The following IRGM variants were observed in gnomAD, a reference collection of about 807,000 sequenced individuals.
The protein encoded by IRGM is immunity-related GTPase family M protein.
For synonymous variants in IRGM, 98 were observed against 80.6 expected (o/e 1.22, Z -1.16); for missense variants, 288 against 219.9 (o/e 1.31, Z -1.96).
chr5:150,883,865 G>C (rs1754479551), intron 3 of IRGM, among the ~76,000 whole-genome samples: 1 of 151,930 alleles, frequency 6.6e-6, no homozygotes, highest in South Asian at 2.1e-4. Context: ...TAAAGAAGAA[G>C]GAACACTTCC....
chr5:150,872,169 G>C (rs999673236), intron 1 of IRGM, among the ~76,000 whole-genome samples: 11 of 152,184 alleles, frequency 7.2e-5, no homozygotes, highest in Non-Finnish European at 1.5e-5. Flanking sequence ...GGAATAAAAA[G>C]GTTTTTGTGA....
At chr5:150,862,482 A>T (rs1754150341) in intron 1 of IRGM, among the ~76,000 whole-genome samples, 1 of 152,208 alleles carries the variant, frequency 6.6e-6, no homozygotes. Context: ...TGTTTACATC[A>T]TACATTTCAG....
chr5:150,891,190 TA>T (rs1256637409), intron 3 of IRGM, among the ~76,000 whole-genome samples: 1 of 151,856 alleles, frequency 6.6e-6, no homozygotes, highest in African/African-American at 2.4e-5. Flanking sequence ...ACTGGTCTTT[TA>T]AAAATCTCTT....
chr5:150,891,644 T>C (rs1307955296), intron 3 of IRGM, among the ~76,000 whole-genome samples: 2 of 152,112 alleles, frequency 1.3e-5, no homozygotes, highest in African/African-American at 4.8e-5. Flanking sequence ...ACTTCATGTA[T>C]AGTAAAAGAG....
chr5:150,870,199 A>G (rs1429755737), intron 1 of IRGM, among the ~76,000 whole-genome samples: 1 of 152,186 alleles, frequency 6.6e-6, no homozygotes. Context: ...CATCTTTATT[A>G]ATCAAAATAG....
rs1014105458 is a variant in IRGM, at chr5:150,848,405, A to T, written c.282A>T (p.Thr94=). ...TGGTGTTGTGGGACCTGCCTGGCAC[A>T]GGGTCTGCCACCACAACCCTGGAGA... ...SNVVLWDLPG[T]GSATTTLENY... The change falls in exon 2 of 2, where the codon ACA becomes ACT. Residue 94 remains threonine, a synonymous_variant. Transcript: ENST00000522154. 5.8e-6 allele frequency: 9 copies of T among 1,551,754 alleles called. No individual in the cohort carries two copies. Among genetic ancestry groups the T allele is most frequent in the Non-Finnish European group, 7.8e-6 (9 of 1,147,000 alleles).
intron 3 of IRGM, chr5:150,895,660 C>T: frequency 6.2e-7 from 1 of 1,613,216 alleles, no homozygotes; most frequent in African/African-American, 1.3e-5. Flanking sequence ...AAGGCTTTCC[C>T]ACATTCAGTA....
intron 1 of IRGM, among the ~76,000 whole-genome samples, chr5:150,860,268 T>C (rs975953371): frequency 6.6e-6 from 1 of 152,236 alleles, no homozygotes; most frequent in African/African-American, 2.4e-5. Flanking sequence ...ATGCATTTCA[T>C]TACTGGATCC....
intron 1 of IRGM, among the ~76,000 whole-genome samples, chr5:150,877,117 A>G (rs559847514): frequency 2.6e-5 from 4 of 152,158 alleles, no homozygotes; most frequent in South Asian, 4.2e-4. Flanking sequence ...AAGATTATGT[A>G]TGGTTTCAGG....
chr5:150,875,486 G>T (rs1754350689), intron 1 of IRGM, among the ~76,000 whole-genome samples: 1 of 152,176 alleles, frequency 6.6e-6, no homozygotes, highest in South Asian at 2.1e-4. Flanking sequence ...TATGTGGATG[G>T]ACCTCTCTGA....
intron 1 of IRGM, among the ~76,000 whole-genome samples, chr5:150,863,800 A>C (rs1411641128): frequency 1.3e-5 from 2 of 152,206 alleles, no homozygotes; most frequent in Non-Finnish European, 2.9e-5. Flanking sequence ...ATATAGCCTA[A>C]CCTTTTATCA....
intron 1 of IRGM, among the ~76,000 whole-genome samples, chr5:150,861,956 A>G (rs995295661): frequency 6.6e-6 from 1 of 152,242 alleles, no homozygotes; most frequent in African/African-American, 2.4e-5. Flanking sequence ...CATGTTTATT[A>G]TCTTACAGAT....
intron 1 of IRGM, among the ~76,000 whole-genome samples, chr5:150,857,986 A>G (rs1754082252): frequency 6.6e-6 from 1 of 152,160 alleles, no homozygotes; most frequent in Non-Finnish European, 1.5e-5. Context: ...TGTTTTAAAC[A>G]TGAAGTCCTT....
At chr5:150,858,419 G>A (rs1219750275) in intron 1 of IRGM, among the ~76,000 whole-genome samples, 1 of 151,932 alleles carries the variant, frequency 6.6e-6, no homozygotes, top group Non-Finnish European at 1.5e-5. Flanking sequence ...GCTCTTTTTT[G>A]GTTCCATATG....
intron 3 of IRGM, chr5:150,896,513 A>AT (rs1438489026): frequency 6.2e-7 from 1 of 1,613,496 alleles, no homozygotes; most frequent in African/African-American, 1.3e-5. Context: ...ACTGATTATC[A>AT]TCAAAAGGTA....
At chr5:150,852,807 G>T (rs1007263625), downstream of IRGM, among the ~76,000 whole-genome samples, 4 of 151,902 alleles carry the variant, frequency 2.6e-5, no homozygotes, top group East Asian at 7.7e-4. Flanking sequence ...TTTCTATTTC[G>T]GGTTAGTTTG....
intron 1 of IRGM, among the ~76,000 whole-genome samples, chr5:150,856,822 GATCC>G (rs1162774501): frequency 6.7e-6 from 1 of 148,568 alleles, no homozygotes; most frequent in Admixed American, 6.7e-5. Context: ...ACCTGCTGTG[GATCC>G]ATCCATTTTC....
chr5:150,874,590 T>G lies in IRGM; in HGVS notation c.159-3390T>G, dbSNP rs528701429. Among the ~76,000 whole-genome samples, 56 of 152,328 alleles carry G rather than the reference T, an allele frequency of 3.7e-4. No individual in the cohort carries two copies. In the South Asian group the frequency reaches 0.012, roughly 32 times the overall value. The stretch of plus-strand genomic sequence containing the variant: ...TTTGGGTGTGTTATTCTGGCTCATT[T>G]ATTGAATGACCCAAAAGGCTGCCAC... On this transcript the variant is annotated intron_variant and NMD_transcript_variant, in intron 1 of 3. Transcript: ENST00000520549.
intron 1 of IRGM, among the ~76,000 whole-genome samples, chr5:150,876,035 C>T (rs750433291): frequency 3.9e-4 from 59 of 152,304 alleles, no homozygotes; most frequent in Admixed American, 2.0e-3. Context: ...CCTCTGACCA[C>T]GGCACTCACT....
Sources: allele counts gnomAD v4.1 joint callset (sites outside exome capture counted in the v4.1 genomes callset), GRCh38; gene constraint gnomAD v4.1.1; transcripts MANE v1.5; gene names NCBI Gene and HGNC (gene_info 2026-07-23, HGNC 2026-07-21).